UBR3: variants seen among roughly 807,000 people sequenced by gnomAD.
The protein encoded by UBR3 is E3 ubiquitin-protein ligase UBR3.
Under a neutral mutation model 243.2 loss-of-function variants are expected in UBR3, and 85 were observed. The ratio of observed to expected loss-of-function variants is 0.35; its 90% CI spans 0.29 to 0.42. The LOEUF is 0.42. Among genes scored for constraint, UBR3 ranks in the 10% least tolerant of loss-of-function variants. UBR3 has a pLI of 1.00. For missense variants in UBR3, 1,686 were observed against 2,300.8 expected (o/e 0.73, Z 5.47); for synonymous variants, 748 against 799.8 (o/e 0.94, Z 1.09).
At chr2:169,987,954 A>G (rs2089097897) in intron 25 of UBR3, among the ~76,000 whole-genome samples, 1 of 152,214 alleles carries the variant, frequency 6.6e-6, no homozygotes, top group African/African-American at 2.4e-5. Flanking sequence ...GCAATGTAAT[A>G]TAAACAAAAA....
chr2:170,003,448 A>G (rs1392194199), intron 27 of UBR3, among the ~76,000 whole-genome samples: 2 of 128,102 alleles, frequency 1.6e-5, no homozygotes, highest in Non-Finnish European at 3.3e-5. Context: ...TGCATTTTTC[A>G]TATCCCTGTA....
chr2:169,865,774 T>G (rs558458564), intron 1 of UBR3, among the ~76,000 whole-genome samples: 1 of 152,204 alleles, frequency 6.6e-6, no homozygotes, highest in Non-Finnish European at 1.5e-5. Flanking sequence ...ACATTTATGC[T>G]TACAGGCTTT....
At chr2:169,948,951 C>A in intron 22 of UBR3, among the ~76,000 whole-genome samples, 1 of 151,130 alleles carries the variant, frequency 6.6e-6, no homozygotes. Context: ...AGTCCTTGAC[C>A]CACAAACCAA....
At chr2:169,992,656 T>A (rs916433649) in intron 25 of UBR3, among the ~76,000 whole-genome samples, 2 of 152,228 alleles carry the variant, frequency 1.3e-5, no homozygotes, top group African/African-American at 4.8e-5. Context: ...ATAAACCTAT[T>A]ATTCCCTTTT....
intron 36 of UBR3, among the ~76,000 whole-genome samples, chr2:170,073,954 A>G (rs2091753086): frequency 6.6e-6 from 1 of 152,170 alleles, no homozygotes; most frequent in Non-Finnish European, 1.5e-5. Flanking sequence ...TTTAAAACAA[A>G]TTGGACTAGC....
intron 27 of UBR3, among the ~76,000 whole-genome samples, chr2:170,006,280 C>T (rs1371150020): frequency 6.6e-6 from 1 of 152,154 alleles, no homozygotes; most frequent in Non-Finnish European, 1.5e-5. Flanking sequence ...AAAAATGTAT[C>T]TTAACTCTTT....
intron 1 of UBR3, among the ~76,000 whole-genome samples, chr2:169,829,814 T>TACACACAC (rs10530118): frequency 3.6e-4 from 54 of 149,232 alleles, no homozygotes; most frequent in East Asian, 3.1e-3. Flanking sequence ...AGCTAAAAAG[T>TACACACAC]ACACACACAC....
intron 8 of UBR3, among the ~76,000 whole-genome samples, chr2:169,902,382 A>G (rs2084858863): frequency 6.6e-6 from 1 of 152,120 alleles, no homozygotes. Context: ...GTGGCTTTCC[A>G]TTCTCTTCAT....
At chr2:170,042,338 G>T (rs574522336) in intron 32 of UBR3, among the ~76,000 whole-genome samples, 1 of 152,032 alleles carries the variant, frequency 6.6e-6, no homozygotes, top group South Asian at 2.1e-4. Context: ...CCATTGTATG[G>T]ATATACAACA....
At chr2:170,072,995 C>T (rs969704887) in intron 35 of UBR3, among the ~76,000 whole-genome samples, 5 of 152,090 alleles carry the variant, frequency 3.3e-5, no homozygotes, top group African/African-American at 4.8e-5. Flanking sequence ...CATTCAAAGT[C>T]TAGGCACATT....
chr2:170,066,826 T>C (rs1287830024), intron 35 of UBR3, among the ~76,000 whole-genome samples: 4 of 152,006 alleles, frequency 2.6e-5, no homozygotes, highest in Non-Finnish European at 5.9e-5. Context: ...TAGCCAGGCA[T>C]GGTGGCGGGT....
At chr2:169,983,177 G>C (rs2088824609) in intron 24 of UBR3, among the ~76,000 whole-genome samples, 1 of 151,272 alleles carries the variant, frequency 6.6e-6, no homozygotes, top group South Asian at 2.1e-4. Flanking sequence ...GTGAGAGCAG[G>C]AGAGAGAAAC....
chr2:169,903,154 A>T (rs1180587143), intron 8 of UBR3, among the ~76,000 whole-genome samples: 1 of 152,214 alleles, frequency 6.6e-6, no homozygotes, highest in East Asian at 1.9e-4. Flanking sequence ...ATTGCTCTTT[A>T]TATCTGTAAT....
chr2:169,935,715 G>A (rs142280832), intron 19 of UBR3, among the ~76,000 whole-genome samples: 15 of 152,210 alleles, frequency 9.9e-5, no homozygotes, highest in South Asian at 2.1e-4. Flanking sequence ...CAATAATTAC[G>A]TGTTGGTTTG....
intron 30 of UBR3, among the ~76,000 whole-genome samples, chr2:170,027,436 T>C (rs1416092393): frequency 6.6e-6 from 1 of 151,692 alleles, no homozygotes; most frequent in Non-Finnish European, 1.5e-5. Flanking sequence ...TACTAACATT[T>C]TGAAAGTCTT....
intron 30 of UBR3, among the ~76,000 whole-genome samples, chr2:170,028,689 G>GTT (rs72533605): frequency 0.37 from 54,076 of 146,022 alleles, 10,101 homozygotes; most frequent in South Asian, 0.5. Flanking sequence ...AATACTTAGG[G>GTT]TTTTTTTTTT....
intron 37 of UBR3, chr2:170,080,333 T>G (rs1354867917): frequency 1.1e-5 from 7 of 609,574 alleles, no homozygotes; most frequent in Non-Finnish European, 1.9e-5. Context: ...CTGAATTAGG[T>G]TGGCTCTTAA....
intron 2 of UBR3, among the ~76,000 whole-genome samples, chr2:169,873,493 A>G (rs557016908): frequency 6.6e-6 from 1 of 151,820 alleles, no homozygotes. Context: ...CAACATAGAG[A>G]CTCTGTCTTT....
chr2:169,861,911 C>T (rs984665012), intron 1 of UBR3, among the ~76,000 whole-genome samples: 7 of 152,220 alleles, frequency 4.6e-5, no homozygotes, highest in Non-Finnish European at 7.3e-5. Flanking sequence ...AAGTTCCTCC[C>T]GCCTACCCCC....
Sources: allele counts gnomAD v4.1 joint callset (sites outside exome capture counted in the v4.1 genomes callset), GRCh38; gene constraint gnomAD v4.1.1; transcripts MANE v1.5; gene names NCBI Gene and HGNC (gene_info 2026-07-23, HGNC 2026-07-21).